The following JAZF1 variants were observed in gnomAD, a reference collection of about 807,000 sequenced individuals.
JAZF1 encodes JAZF zinc finger 1.
A neutral mutation model predicts 26.4 loss-of-function variants in JAZF1; 8 were observed. That is an observed-to-expected ratio of 0.30 (90% CI 0.18 to 0.55). JAZF1 has a LOEUF of 0.55. Ranked by LOEUF, JAZF1 falls within the 20% of genes least tolerant of loss-of-function variation. JAZF1 has a pLI of 0.94. For synonymous variants in JAZF1, 126 were observed against 122.3 expected (o/e 1.03, Z -0.20); for missense variants, 199 against 322.0 (o/e 0.62, Z 2.92).
At chr7:27,918,547 G>C (rs1288890607) in intron 2 of JAZF1, among the ~76,000 whole-genome samples, 1 of 152,168 alleles carries the variant, frequency 6.6e-6, no homozygotes, top group Non-Finnish European at 1.5e-5. Context: ...ATAAAATCTA[G>C]CTGGAGAATG....
At chr7:27,925,777 A>C (rs921124295) in intron 2 of JAZF1, among the ~76,000 whole-genome samples, 108 of 152,314 alleles carry the variant, frequency 7.1e-4, no homozygotes, top group African/African-American at 2.6e-3. Flanking sequence ...TTGCAGAGTA[A>C]GCAAAACACC....
intron 1 of JAZF1, among the ~76,000 whole-genome samples, chr7:28,042,115 T>C (rs1185569220): frequency 6.6e-6 from 1 of 152,080 alleles, no homozygotes; most frequent in Non-Finnish European, 1.5e-5. Context: ...GCACACAGGA[T>C]AGGTTTTGAA....
chr7:28,095,230 C>T (rs1784364201), intron 1 of JAZF1, among the ~76,000 whole-genome samples: 1 of 152,168 alleles, frequency 6.6e-6, no homozygotes, highest in Admixed American at 6.5e-5. Flanking sequence ...TAGGCAAGCC[C>T]TGTATTAGTC....
chr7:27,946,550 T>G (rs1236398227), intron 2 of JAZF1, among the ~76,000 whole-genome samples: 1 of 152,224 alleles, frequency 6.6e-6, no homozygotes, highest in Admixed American at 6.5e-5. Flanking sequence ...GTACTCAGTA[T>G]TCACAGGGTT....
At chr7:28,173,840 G>A (rs498895) in intron 1 of JAZF1, among the ~76,000 whole-genome samples, 3 of 122,212 alleles carry the variant, frequency 2.5e-5, no homozygotes, top group African/African-American at 3.2e-5. Context: ...CACCCTTAAA[G>A]AGGATATCCA....
chr7:27,850,060 C>T (rs1412721333), intron 3 of JAZF1, among the ~76,000 whole-genome samples: 1 of 152,186 alleles, frequency 6.6e-6, no homozygotes, highest in Non-Finnish European at 1.5e-5. Flanking sequence ...CAATATGCCA[C>T]ATTTTTCTTA....
chr7:28,171,987 G>A (rs1328489624), intron 1 of JAZF1, among the ~76,000 whole-genome samples: 1 of 152,096 alleles, frequency 6.6e-6, no homozygotes, highest in African/African-American at 2.4e-5. Flanking sequence ...TATCTATTGA[G>A]ATTAAGAAAT....
At chr7:28,080,816 A>G (rs1784123758) in intron 1 of JAZF1, among the ~76,000 whole-genome samples, 2 of 152,344 alleles carry the variant, frequency 1.3e-5, no homozygotes, top group South Asian at 4.1e-4. Context: ...CACAGATCAC[A>G]ATGACAGATA....
At chr7:28,094,127 G>A (rs1044559052) in intron 1 of JAZF1, among the ~76,000 whole-genome samples, 5 of 152,214 alleles carry the variant, frequency 3.3e-5, no homozygotes, top group African/African-American at 1.2e-4. Context: ...ATGAGACATG[G>A]TAATATGCAT....
In JAZF1 at chr7:27,846,631, G is replaced by T. The variant is rs1337890707; in HGVS notation, c.386-5764C>A. The T allele has an allele frequency of 6.8e-5, 31 of 457,786 alleles. No homozygotes were observed. In the Admixed American group the frequency reaches 7.4e-4, roughly 11 times the overall value. 28.4% of individuals were successfully genotyped at this position (457,786 alleles called of 1,614,324 possible). On this transcript the variant is annotated intron_variant, in intron 3 of 4. Transcript: ENST00000283928. ...AACACTTGTTATTACTTGTCTTTTT[G>T]ATCAGAGCTGTCTGAATGGGTGTGC...
intron 2 of JAZF1, among the ~76,000 whole-genome samples, chr7:27,980,330 G>A (rs1785556062): frequency 6.6e-6 from 1 of 152,138 alleles, no homozygotes; most frequent in Non-Finnish European, 1.5e-5. Context: ...AAATCTAGCT[G>A]ATGTCCATTA....
intron 1 of JAZF1, among the ~76,000 whole-genome samples, chr7:28,104,464 C>A (rs558351196): frequency 7.9e-5 from 12 of 152,334 alleles, no homozygotes; most frequent in African/African-American, 2.2e-4. Context: ...ATTTAACAAC[C>A]TGCCCTTACA....
At chr7:27,908,894 A>C (rs1467159048) in intron 2 of JAZF1, among the ~76,000 whole-genome samples, 1 of 152,232 alleles carries the variant, frequency 6.6e-6, no homozygotes, top group African/African-American at 2.4e-5. Flanking sequence ...AATTTGTTGT[A>C]ATTTTGTCTA....
chr7:28,016,958 G>A (rs917008516), intron 1 of JAZF1, among the ~76,000 whole-genome samples: 1 of 152,198 alleles, frequency 6.6e-6, no homozygotes, highest in African/African-American at 2.4e-5. Flanking sequence ...ATTGTTATGT[G>A]TACTATGTCA....
rs902632636 is a variant in JAZF1, at chr7:27,832,069, T to C, written c.*731A>G. The C allele has an allele frequency of 4.7e-6, 1 of 212,902 alleles. No individual in the cohort carries two copies. The highest frequency in any genetic ancestry group is 2.3e-5 in the African/African-American group (1 of 44,200). The allele number at this position is 212,902 out of a possible 1,614,324, so 13.2% of individuals were successfully genotyped here. ...TTGTACCCAGCAGGCACTCAATCAA[T>C]GTGTGTTAAATGAATGAACGAACTG... On this transcript the variant is annotated 3_prime_UTR_variant, in exon 5 of 5. Transcript: ENST00000283928.
intron 1 of JAZF1, among the ~76,000 whole-genome samples, chr7:28,062,411 T>C (rs1290847460): frequency 1.3e-5 from 2 of 152,132 alleles, no homozygotes; most frequent in Non-Finnish European, 2.9e-5. Flanking sequence ...TGCATGTATA[T>C]AGGGACATCT....
chr7:28,130,303 A>G (rs868565759), intron 1 of JAZF1, among the ~76,000 whole-genome samples: 75 of 152,368 alleles, frequency 4.9e-4, no homozygotes, highest in African/African-American at 1.7e-3. Context: ...AAAAAAAACA[A>G]AACAAAACTG....
chr7:27,982,419 G>A (rs1049603369), intron 2 of JAZF1, among the ~76,000 whole-genome samples: 2 of 152,198 alleles, frequency 1.3e-5, no homozygotes, highest in Non-Finnish European at 2.9e-5. Flanking sequence ...GTCCGCCACT[G>A]CTGAGGCTTG....
intron 1 of JAZF1, among the ~76,000 whole-genome samples, chr7:28,103,871 G>T (rs2158623): frequency 0.79 from 120,539 of 152,074 alleles, 48,090 homozygotes; most frequent in African/African-American, 0.89. Context: ...GTCACACTAT[G>T]AAAGCACCCA....
Sources: gnomAD v4.1 joint callset for allele counts (sites outside exome capture counted in the v4.1 genomes callset) on GRCh38, gnomAD v4.1.1 for gene constraint, MANE v1.5 for transcripts, NCBI Gene and HGNC (gene_info 2026-07-23, HGNC 2026-07-21) for gene names.